Variants in DOK7 observed in about 807,000 individuals in gnomAD.
DOK7 encodes protein Dok-7.
In DOK7, 32 loss-of-function variants were observed where a neutral mutation model predicts 30.7. That is an observed-to-expected ratio of 1.04 (90% CI 0.79 to 1.40). The LOEUF (loss-of-function observed/expected upper bound fraction) is 1.40, where lower values mean the gene tolerates loss of function less well. Ranked by LOEUF, DOK7 falls within the 40% of genes most tolerant of loss-of-function variation. The probability of loss-of-function intolerance (pLI) is 0.00; values close to 1 mark genes in which losing one functional copy is unlikely to be tolerated. For missense variants in DOK7, 1,007 were observed against 699.2 expected (o/e 1.44, Z -4.97); for synonymous variants, 447 against 324.1 (o/e 1.38, Z -4.07).
chr4:3,492,741 C>CT lies in DOK7; in HGVS notation c.773-16dup. 1 of 1,612,116 alleles carries CT rather than the reference C, an allele frequency of 6.2e-7. No homozygotes were observed. Among genetic ancestry groups the CT allele is most frequent in the Middle Eastern group, 1.7e-4 (1 of 6,060 alleles). On this transcript the variant is annotated splice_polypyrimidine_tract_variant and intron_variant, in intron 6 of 6. Transcript: ENST00000340083. ...CCCTGTACCCCCACAACTGCCTTGG[C>CT]TTCCTGCTCTGTCTCAGGGGATGAC...
chr4:3,487,108 G>C (rs1433120424), intron 5 of DOK7, among the ~76,000 whole-genome samples: 2 of 152,196 alleles, frequency 1.3e-5, no homozygotes, highest in Non-Finnish European at 2.9e-5. Flanking sequence ...CACTCCACAG[G>C]ACATCTTTGT....
chr4:3,494,516 C>T (rs556636833), downstream of DOK7: 55 of 985,636 alleles, frequency 5.6e-5, no homozygotes, highest in South Asian at 3.3e-4. Context: ...CAGCCCTCTC[C>T]GCCTCCTCGC....
chr4:3,488,906 G>C (rs566849535), intron 5 of DOK7, among the ~76,000 whole-genome samples: 49 of 152,362 alleles, frequency 3.2e-4, no homozygotes, highest in Middle Eastern at 3.4e-3. Context: ...TTGGCCCAGT[G>C]TTCACATCAC....
chr4:3,482,389 G>A (rs1379945284), intron 4 of DOK7, among the ~76,000 whole-genome samples: 1 of 152,246 alleles, frequency 6.6e-6, no homozygotes, highest in African/African-American at 2.4e-5. Flanking sequence ...CTGTTGGCTG[G>A]GTTGCCTCAG....
At chr4:3,478,955 G>A (rs1450243673) in intron 4 of DOK7, among the ~76,000 whole-genome samples, 4 of 152,176 alleles carry the variant, frequency 2.6e-5, no homozygotes, top group South Asian at 2.1e-4. Flanking sequence ...GGCCTCCTGC[G>A]GGAGGGAGCC....
chr4:3,468,795 T>C lies in DOK7; in HGVS notation c.101-4611T>C, dbSNP rs557807769. Among the ~76,000 whole-genome samples, 100 of 141,802 alleles carry C rather than the reference T, an allele frequency of 7.1e-4. 1 individual carries two copies. The highest frequency in any genetic ancestry group is 2.6e-3 in the Admixed American group (39 of 14,748). 93.0% of individuals were successfully genotyped at this position (141,802 alleles called of 152,430 possible). A position where few individuals can be genotyped will look rare whatever the true frequency, so the allele number is the denominator to read the frequency against. On this transcript the variant is annotated intron_variant, in intron 2 of 6. Transcript: ENST00000340083. ...ATGTATGTGTGCCTGTGATCATGTA[T>C]GTCTGTGTGTGCCTGTGTGTGTATG... is the stretch of plus-strand genomic sequence containing the variant.
At position 3,485,632 on chromosome 4, in the gene DOK7, C is replaced by A. The variant is rs902286336; in HGVS notation, c.626C>A (p.Pro209His). ...CGAGGCATCTCCCCCACCAAGGGCC[C>A]CTTTGGGCTGCGGCCGGTTCTACCA... Reference protein sequence around the residue: ...IVRGISPTKGPFGLRPVLPDP... With the variant: ...IVRGISPTKGHFGLRPVLPDP... Residue 209 changes from proline to histidine, a missense_variant, in exon 5 of 7, where the codon CCC becomes CAC. Coordinates refer to ENST00000340083, the MANE Select transcript of DOK7 (RefSeq NM_173660.5). The A allele has an allele frequency of 4.4e-6, 7 of 1,603,088 alleles. No individual in the cohort carries two copies. The highest frequency in any genetic ancestry group is 6.0e-6 in the Non-Finnish European group (7 of 1,174,510).
At chr4:3,484,544 A>G in intron 4 of DOK7, 1 of 985,478 alleles carries the variant, frequency 1.0e-6, no homozygotes, top group Non-Finnish European at 1.2e-6. Flanking sequence ...CCAGTGGCCC[A>G]TTCACGCGGC....
intron 2 of DOK7, among the ~76,000 whole-genome samples, chr4:3,471,170 G>A (rs1726736737): frequency 6.6e-6 from 1 of 152,228 alleles, no homozygotes; most frequent in Non-Finnish European, 1.5e-5. Context: ...CCTTATAGCT[G>A]GTAACGCAGA....
chr4:3,463,752 A>G (rs1228519890), intron 2 of DOK7, among the ~76,000 whole-genome samples: 1 of 152,170 alleles, frequency 6.6e-6, no homozygotes, highest in Non-Finnish European at 1.5e-5. Flanking sequence ...TCTTTCCAGC[A>G]GGGCAGACTG....
chr4:3,487,923 C>T (rs1289867569), intron 5 of DOK7, among the ~76,000 whole-genome samples: 1 of 152,218 alleles, frequency 6.6e-6, no homozygotes, highest in African/African-American at 2.4e-5. Context: ...CACCAAGGAG[C>T]CAGGACTGGT....
intron 6 of DOK7, among the ~76,000 whole-genome samples, chr4:3,490,424 G>A (rs1479976181): frequency 3.3e-3 from 35 of 10,468 alleles, no homozygotes; most frequent in Admixed American, 8.0e-3. Flanking sequence ...CCACCGCCCC[G>A]CTCATTCATT....
At position 3,493,544 on chromosome 4, in the gene DOK7, G is replaced by A. The variant is rs1206408348; in HGVS notation, c.*43G>A. 1 of 1,598,682 alleles carries A rather than the reference G, an allele frequency of 6.3e-7. No individual in the cohort carries two copies. The highest frequency in any genetic ancestry group is 8.5e-7 in the Non-Finnish European group (1 of 1,172,868). ...CCGCGGCTGCAAAGGGGCTGAATTT[G>A]CCCCCAGATGGCAGAGGAAGTGGCG... On this transcript the variant is annotated 3_prime_UTR_variant, in exon 7 of 7. Coordinates refer to ENST00000340083, the MANE Select transcript of DOK7 (RefSeq NM_173660.5).
chr4:3,485,693 C>A, intron 5 of DOK7, 35 bp downstream of exon 5: 1 of 1,511,232 alleles, frequency 6.6e-7, no homozygotes. Context: ...GGGGAGGGTG[C>A]GCTCGGCAGG....
intron 6 of DOK7, among the ~76,000 whole-genome samples, chr4:3,490,183 CCCCCACTCATTCCTTCCCCCCT>C (rs2109393660): frequency 3.0e-5 from 2 of 66,190 alleles, no homozygotes; most frequent in East Asian, 9.5e-4. Flanking sequence ...TCCTCCGCCC[CCCCCACTCATTCCTTCCCCCCT>C]CATTCATTCC....
chr4:3,477,388 C>T (rs1308179882), intron 4 of DOK7, among the ~76,000 whole-genome samples: 2 of 152,202 alleles, frequency 1.3e-5, no homozygotes, highest in Non-Finnish European at 2.9e-5. Context: ...CTGGTGGGGG[C>T]TCTGGTGGAG....
At chr4:3,475,586 G>A (rs1231383086) in intron 3 of DOK7, among the ~76,000 whole-genome samples, 1 of 152,200 alleles carries the variant, frequency 6.6e-6, no homozygotes. Flanking sequence ...AGGACCATGG[G>A]GGTGCTCAGG....
At chr4:3,490,318 C>T (rs1420453664) in intron 6 of DOK7, among the ~76,000 whole-genome samples, 2 of 101,804 alleles carry the variant, frequency 2.0e-5, no homozygotes, top group East Asian at 6.5e-4. Flanking sequence ...CCGGCTCATT[C>T]TTGCCTTACC....
exon 8 of DOK7, chr4:3,500,797 T>C (rs1448494296): frequency 2.0e-6 from 3 of 1,533,218 alleles, no homozygotes; most frequent in Admixed American, 2.0e-5. Context: ...CTGTCGGAGC[T>C]GGAGCAGAGG....
Sources: gnomAD v4.1 joint callset for allele counts (sites outside exome capture counted in the v4.1 genomes callset) on GRCh38, gnomAD v4.1.1 for gene constraint, MANE v1.5 for transcripts, NCBI Gene and HGNC (gene_info 2026-07-23, HGNC 2026-07-21) for gene names.